PAQR8: variants seen among roughly 807,000 people sequenced by gnomAD.
The protein encoded by PAQR8 is progestin and adipoQ receptor family member 8.
In PAQR8, 17 loss-of-function variants were observed where a neutral mutation model predicts 25.2. The observed-to-expected ratio is 0.67, with a 90% confidence interval of 0.46 to 1.01. The LOEUF is 1.01. Ranked by LOEUF, PAQR8 falls within the 50% of genes least tolerant of loss-of-function variation. The pLI is 0.00. For missense variants in PAQR8, 392 were observed against 448.4 expected, an observed-to-expected ratio of 0.87 and a Z score of 1.14; for synonymous variants, 204 against 190.6, an observed-to-expected ratio of 1.07 and a Z score of -0.58.
intron 1 of PAQR8, among the ~76,000 whole-genome samples, chr6:52,381,584 G>T (rs1324047150): frequency 6.6e-6 from 1 of 152,230 alleles, no homozygotes; most frequent in Non-Finnish European, 1.5e-5. Flanking sequence ...TCCAGCCTGG[G>T]TGAGATCTTA....
chr6:52,403,236 G>T lies in PAQR8; in HGVS notation c.23G>T (p.Arg8Leu), dbSNP rs1195271205. 6.3e-7 allele frequency: 1 copy of T among 1,599,370 alleles called. No homozygotes were observed. Among genetic ancestry groups the T allele is most frequent in the South Asian group, 1.1e-5 (1 of 90,816 alleles). Residue 8 changes from arginine to leucine, a missense_variant, in exon 2 of 2, where the codon CGC becomes CTC. Physicochemically the swap from Arg to Leu is moderately radical, Grantham distance 102. Coordinates refer to ENST00000442253, the MANE Select transcript of PAQR8 (RefSeq NM_133367.5). MTTAILE[R>L]LSTLSVSGQQ... The stretch of plus-strand genomic sequence containing the variant: ...GCCATGACGACCGCCATCTTGGAGC[G>T]CCTGAGCACCCTGTCGGTCAGCGGG...
At chr6:52,364,474 T>A (rs1267059473) in intron 1 of PAQR8, among the ~76,000 whole-genome samples, 1 of 152,224 alleles carries the variant, frequency 6.6e-6, no homozygotes, top group African/African-American at 2.4e-5. Context: ...AAAATAAATA[T>A]GCCAGTATTT....
At chr6:52,383,076 A>G (rs1031435552) in intron 1 of PAQR8, among the ~76,000 whole-genome samples, 4 of 152,230 alleles carry the variant, frequency 2.6e-5, no homozygotes, top group African/African-American at 9.6e-5. Flanking sequence ...ATGCCCAGGT[A>G]ATTGTATCTG....
In PAQR8 at chr6:52,367,233, CAACA is replaced by C. The variant is rs137860152; in HGVS notation, c.-53+4989_-53+4992del. ...CTAAAATGCACAGGACAGCCCCGCA[CAACA>C]AACAGTTATCTGGTTCAAAACATCA... is the stretch of plus-strand genomic sequence containing the variant. On this transcript the variant is annotated intron_variant, in intron 1 of 1. Transcript: ENST00000442253. 6.7e-3 allele frequency among the ~76,000 whole-genome samples: 1,020 copies of C among 152,288 alleles called. 8 individuals are homozygous for C. The highest frequency in any genetic ancestry group is 0.024 in the African/African-American group (978 of 41,554).
intron 1 of PAQR8, among the ~76,000 whole-genome samples, chr6:52,363,096 G>A (rs571228433): frequency 4.3e-4 from 65 of 152,254 alleles, no homozygotes; most frequent in Non-Finnish European, 8.5e-4. Context: ...CTAGTCTAGG[G>A]AGCAAGACCG....
At chr6:52,363,007 A>C (rs1763308940) in intron 1 of PAQR8, among the ~76,000 whole-genome samples, 1 of 151,792 alleles carries the variant, frequency 6.6e-6, no homozygotes, top group Non-Finnish European at 1.5e-5. Context: ...GTGGGGCTGG[A>C]ACGCTGGGAA....
At chr6:52,366,205 T>A (rs1228633096) in intron 1 of PAQR8, among the ~76,000 whole-genome samples, 1 of 152,182 alleles carries the variant, frequency 6.6e-6, no homozygotes, top group Non-Finnish European at 1.5e-5. Context: ...ATGGGAAAGT[T>A]TCATCTTAAT....
chr6:52,399,661 C>T lies in PAQR8; in HGVS notation c.-52-3501C>T, dbSNP rs984412969. Among the ~76,000 whole-genome samples, 3 of 152,112 alleles carry T rather than the reference C, an allele frequency of 2.0e-5. No homozygotes were observed. In the East Asian group the frequency reaches 5.8e-4, roughly 29 times the overall value. On this transcript the variant is annotated intron_variant, in intron 1 of 1. Coordinates refer to ENST00000442253, the MANE Select transcript of PAQR8 (RefSeq NM_133367.5). The stretch of plus-strand genomic sequence containing the variant: ...ATACTGGGAGCATCTTTGGGGATTC[C>T]TTCTTCTATAGTCACTGGGGTTATA...
rs1390222913 is a variant in PAQR8, at chr6:52,406,530, A to G, written c.*2252A>G. On this transcript the variant is annotated 3_prime_UTR_variant, in exon 2 of 2. Transcript: ENST00000442253. ...ATTGCCATACAATTTTAATTTATACAAGTATTGGCCCCTCAAGTGGTTGGA... is the reference window on the plus strand; with the variant it reads ...ATTGCCATACAATTTTAATTTATACGAGTATTGGCCCCTCAAGTGGTTGGA... The G allele has an allele frequency of 9.7e-6, 4 of 413,322 alleles. No individual in the cohort carries two copies. The highest frequency in any genetic ancestry group is 1.8e-5 in the Non-Finnish European group (4 of 226,152). 25.6% of individuals were successfully genotyped at this position (413,322 alleles called of 1,614,324 possible). A position where few individuals can be genotyped will look rare whatever the true frequency, so the allele number is the denominator to read the frequency against.
rs557903524 is a variant in PAQR8 at position 52,405,618 on chromosome 6, G to A, written c.*1340G>A. ...TGAAGGAGGCTGTGTCAAAAGAAGG[G>A]CTCAGAAGCCCTCTTTTCAGAGGCA... On this transcript the variant is annotated 3_prime_UTR_variant, in exon 2 of 2. Coordinates refer to ENST00000442253, the MANE Select transcript of PAQR8 (RefSeq NM_133367.5). The A allele has an allele frequency of 6.0e-6, 1 of 167,082 alleles. No individual in the cohort carries two copies. Among genetic ancestry groups the A allele is most frequent in the Non-Finnish European group, 1.5e-5 (1 of 68,122 alleles). 10.3% of individuals were successfully genotyped at this position (167,082 alleles called of 1,614,324 possible). A position where few individuals can be genotyped will look rare whatever the true frequency, so the allele number is the denominator to read the frequency against.
intron 1 of PAQR8, among the ~76,000 whole-genome samples, chr6:52,363,662 G>T (rs141184462): frequency 1.0e-3 from 154 of 152,300 alleles, no homozygotes; most frequent in Non-Finnish European, 1.9e-3. Context: ...GTATTTGCTT[G>T]TCAGTGAAGA....
chr6:52,404,376 A>T lies in PAQR8; in HGVS notation c.*98A>T. ...CTTTTAAGGCATTGGCTTTTAAATT[A>T]ATACATATATCCAAGGATATGTTAT... On this transcript the variant is annotated 3_prime_UTR_variant, in exon 2 of 2. Coordinates refer to ENST00000442253, the MANE Select transcript of PAQR8 (RefSeq NM_133367.5). 9.0e-7 allele frequency: 1 copy of T among 1,115,324 alleles called. No homozygotes were observed. The highest frequency in any genetic ancestry group is 1.3e-6 in the Non-Finnish European group (1 of 793,450). The allele number at this position is 1,115,324 out of a possible 1,614,324, so 69.1% of individuals were successfully genotyped here.
At chr6:52,379,887 A>T (rs553221454) in intron 1 of PAQR8, among the ~76,000 whole-genome samples, 39 of 152,054 alleles carry the variant, frequency 2.6e-4, no homozygotes, top group African/African-American at 9.4e-4. Context: ...TCGGCCTCCC[A>T]AAGTGCTGGG....
At chr6:52,370,036 A>C (rs1236610684) in intron 1 of PAQR8, among the ~76,000 whole-genome samples, 1 of 151,932 alleles carries the variant, frequency 6.6e-6, no homozygotes, top group Non-Finnish European at 1.5e-5. Flanking sequence ...GTTCATGTTA[A>C]TTCATGAAGT....
At chr6:52,367,447 G>A (rs1281441580) in intron 1 of PAQR8, among the ~76,000 whole-genome samples, 4 of 152,202 alleles carry the variant, frequency 2.6e-5, no homozygotes, top group Non-Finnish European at 5.9e-5. Context: ...ACACACAGAA[G>A]GATCGCAATA....
At chr6:52,400,100 G>C (rs143025443) in intron 1 of PAQR8, among the ~76,000 whole-genome samples, 15 of 151,790 alleles carry the variant, frequency 9.9e-5, no homozygotes, top group Admixed American at 5.9e-4. Flanking sequence ...TCTCTTTCTG[G>C]CTGACTGTAA....
rs1763305042 is a variant in PAQR8 at position 52,362,741 on chromosome 6, G to C, written c.-53+492G>C. The stretch of plus-strand genomic sequence containing the variant: ...CGCAGGGCGGAGGGGAACGGAACCT[G>C]GGAGGGGAGTGCGGAGGAGAGGAAG... On this transcript the variant is annotated intron_variant, in intron 1 of 1. Coordinates refer to ENST00000442253, the MANE Select transcript of PAQR8 (RefSeq NM_133367.5). The surrounding 1 kb of genome is among the most constrained non-coding windows in gnomAD (Gnocchi z 4.1). Among the ~76,000 whole-genome samples, 1 of 152,190 alleles carries C rather than the reference G, an allele frequency of 6.6e-6. No individual in the cohort carries two copies. The highest frequency in any genetic ancestry group is 2.4e-5 in the African/African-American group (1 of 41,454).
chr6:52,401,512 C>A (rs1292221972), intron 1 of PAQR8, among the ~76,000 whole-genome samples: 2 of 152,160 alleles, frequency 1.3e-5, no homozygotes, highest in Non-Finnish European at 2.9e-5. Flanking sequence ...GTAAGTTAAG[C>A]ATTTCTGAAG....
In PAQR8 at chr6:52,406,303, G is replaced by T. The variant is rs532312123; in HGVS notation, c.*2025G>T. On this transcript the variant is annotated 3_prime_UTR_variant, in exon 2 of 2. Coordinates refer to ENST00000442253, the MANE Select transcript of PAQR8 (RefSeq NM_133367.5). ...AGTTGGAAGGAGAAGGGAGGGAAGA[G>T]AGCAGAAGGGAAGAAGGTGTAAGTC... is the stretch of plus-strand genomic sequence containing the variant. 9.8e-6 allele frequency: 4 copies of T among 408,952 alleles called. No homozygotes were observed. The South Asian group carries it at 5.7e-4, about 58-fold the overall frequency. 25.3% of individuals were successfully genotyped at this position (408,952 alleles called of 1,614,324 possible).
Sources: allele counts gnomAD v4.1 joint callset (sites outside exome capture counted in the v4.1 genomes callset), GRCh38; gene constraint gnomAD v4.1.1; non-coding constraint Gnocchi (gnomAD v3.1); transcripts MANE v1.5; gene names NCBI Gene and HGNC (gene_info 2026-07-23, HGNC 2026-07-21).